The following CALN1 variants were observed in gnomAD, a reference collection of about 807,000 sequenced individuals.
The protein encoded by CALN1 is calcium-binding protein 8.
Under a neutral mutation model 30.6 loss-of-function variants are expected in CALN1, and 17 were observed. That is an observed-to-expected ratio of 0.56 (90% CI 0.38 to 0.83). The LOEUF (loss-of-function observed/expected upper bound fraction) is 0.83, where lower values mean the gene tolerates loss of function less well. Among genes scored for constraint, CALN1 ranks in the 40% least tolerant of loss-of-function variants. The pLI is 0.00. For missense variants in CALN1, 291 were observed against 354.9 expected (o/e 0.82, Z 1.45); for synonymous variants, 156 against 131.4 (o/e 1.19, Z -1.28).
At chr7:72,437,525 AGTGTGT>A (rs9297115) in intron 1 of CALN1, among the ~76,000 whole-genome samples, 1 of 150,638 alleles carries the variant, frequency 6.6e-6, no homozygotes, top group African/African-American at 2.4e-5. Context: ...AGTTGTGTGG[AGTGTGT>A]GTGTGTGTGT....
intron 4 of CALN1, among the ~76,000 whole-genome samples, chr7:72,061,351 T>G (rs924716429): frequency 6.6e-6 from 1 of 152,202 alleles, no homozygotes; most frequent in African/African-American, 2.4e-5. Context: ...ATGAAACCAT[T>G]AACACTGTGT....
At chr7:72,093,581 T>G (rs984299942) in intron 4 of CALN1, among the ~76,000 whole-genome samples, 5 of 152,212 alleles carry the variant, frequency 3.3e-5, no homozygotes, top group African/African-American at 1.2e-4. Context: ...AGTAAGGCTT[T>G]GGAAGACCTA....
chr7:72,011,044 T>G (rs988225375), intron 5 of CALN1, among the ~76,000 whole-genome samples: 4 of 151,180 alleles, frequency 2.6e-5, no homozygotes, highest in African/African-American at 9.7e-5. Flanking sequence ...TCCCAGCTAC[T>G]TGGGAGGCTG....
At chr7:71,863,570 A>G (rs907226836) in intron 5 of CALN1, among the ~76,000 whole-genome samples, 3 of 150,018 alleles carry the variant, frequency 2.0e-5, no homozygotes, top group Non-Finnish European at 4.4e-5. Flanking sequence ...AAAAAAAAAA[A>G]AAAAAAAAAA....
At chr7:72,184,070 G>C (rs1004546213) in intron 3 of CALN1, among the ~76,000 whole-genome samples, 1 of 152,122 alleles carries the variant, frequency 6.6e-6, no homozygotes, top group Non-Finnish European at 1.5e-5. Flanking sequence ...AAAGTTCTCC[G>C]TACAGGTTAT....
chr7:71,796,599 C>A (rs1471638807), intron 6 of CALN1, among the ~76,000 whole-genome samples: 1 of 152,016 alleles, frequency 6.6e-6, no homozygotes, highest in Non-Finnish European at 1.5e-5. Context: ...ACCTCATGAT[C>A]CACCTGCCTC....
intron 1 of CALN1, among the ~76,000 whole-genome samples, chr7:72,433,177 G>A (rs1237361926): frequency 2.0e-5 from 3 of 152,152 alleles, no homozygotes; most frequent in African/African-American, 7.2e-5. Flanking sequence ...CCTTGGAGAA[G>A]TCTTTGAGAT....
the CALN1 span, among the ~76,000 whole-genome samples, chr7:72,487,514 C>G: frequency 6.6e-6 from 1 of 151,202 alleles, no homozygotes. Flanking sequence ...GGTGACACCC[C>G]GTCTCTACTG....
intron 2 of CALN1, among the ~76,000 whole-genome samples, chr7:72,302,849 G>A (rs1164645080): frequency 7.2e-6 from 1 of 138,390 alleles, no homozygotes; most frequent in African/African-American, 2.7e-5. Flanking sequence ...AGTGAGCCGA[G>A]ATCGCGCCAC....
chr7:72,264,798 C>A (rs966357719), intron 3 of CALN1, among the ~76,000 whole-genome samples: 2 of 152,006 alleles, frequency 1.3e-5, no homozygotes, highest in African/African-American at 4.8e-5. Flanking sequence ...ATCCTAGTAC[C>A]CATTAGTTAT....
rs397889197 is a variant in CALN1, at chr7:72,274,503, CAA to C, written c.244+4181_244+4182del. Among the ~76,000 whole-genome samples, 161 of 101,206 alleles carry C rather than the reference CAA, an allele frequency of 1.6e-3. 1 individual carries two copies. In the South Asian group the frequency reaches 0.02, roughly 12 times the overall value. The allele number at this position is 101,206 out of a possible 152,430, so 66.4% of individuals were successfully genotyped here. A position where few individuals can be genotyped will look rare whatever the true frequency, so the allele number is the denominator to read the frequency against. ...AGCCTCGGTGAGAGTGAGACTGTCT[CAA>C]AAAAAAAAAAAAAAAGATAGTATCA... On this transcript the variant is annotated intron_variant, in intron 3 of 6. Transcript: ENST00000395275.
chr7:71,960,738 T>A (rs1220777403), intron 5 of CALN1, among the ~76,000 whole-genome samples: 1 of 152,222 alleles, frequency 6.6e-6, no homozygotes, highest in Non-Finnish European at 1.5e-5. Flanking sequence ...AATAGTTATA[T>A]TCTTCCACTC....
At chr7:71,955,266 G>A (rs1034847531) in intron 5 of CALN1, among the ~76,000 whole-genome samples, 2 of 152,140 alleles carry the variant, frequency 1.3e-5, no homozygotes, top group African/African-American at 4.8e-5. Context: ...AACCGTCCCT[G>A]TGATTCAGTG....
At chr7:72,284,742 CTG>C (rs750649712) in intron 2 of CALN1, among the ~76,000 whole-genome samples, 4 of 152,200 alleles carry the variant, frequency 2.6e-5, no homozygotes, top group East Asian at 1.9e-4. Context: ...TGACAGCAGA[CTG>C]TGGAATTTTC....
At chr7:71,980,796 C>T (rs916654097) in intron 5 of CALN1, among the ~76,000 whole-genome samples, 36 of 152,228 alleles carry the variant, frequency 2.4e-4, no homozygotes, top group Non-Finnish European at 4.6e-4. Context: ...GGTACAGAAA[C>T]AGAGAGAGGT....
chr7:72,262,250 T>C (rs1405760075), intron 3 of CALN1, among the ~76,000 whole-genome samples: 1 of 152,212 alleles, frequency 6.6e-6, no homozygotes, highest in Non-Finnish European at 1.5e-5. Flanking sequence ...TCCTGATCCT[T>C]GAGAGCATCA....
intron 2 of CALN1, among the ~76,000 whole-genome samples, chr7:72,293,984 G>C (rs2129555125): frequency 6.6e-6 from 1 of 152,230 alleles, no homozygotes; most frequent in Middle Eastern, 3.4e-3. Flanking sequence ...TGTAATCCCA[G>C]CTACTCGGGA....
chr7:72,248,366 T>A (rs1795327820), intron 3 of CALN1, among the ~76,000 whole-genome samples: 1 of 152,196 alleles, frequency 6.6e-6, no homozygotes, highest in Non-Finnish European at 1.5e-5. Flanking sequence ...CCCAAAGGGC[T>A]GGGATTACAG....
chr7:71,977,768 C>T (rs1191654209), intron 5 of CALN1, among the ~76,000 whole-genome samples: 1 of 151,920 alleles, frequency 6.6e-6, no homozygotes, highest in Non-Finnish European at 1.5e-5. Flanking sequence ...CCCATCTCTA[C>T]TAAAAATATA....
Sources: allele counts gnomAD v4.1 joint callset (sites outside exome capture counted in the v4.1 genomes callset), GRCh38; gene constraint gnomAD v4.1.1; transcripts MANE v1.5; gene names NCBI Gene and HGNC (gene_info 2026-07-23, HGNC 2026-07-21).